CPLANE2: variants seen among roughly 807,000 people sequenced by gnomAD.
CPLANE2 encodes ciliogenesis and planar polarity effector complex subunit 2, also known as ciliogenesis and planar polarity effector 2.
In CPLANE2, 24 loss-of-function variants were observed where a neutral mutation model predicts 20.9. That is an observed-to-expected ratio of 1.15 (90% confidence interval 0.83 to 1.61). The LOEUF (loss-of-function observed/expected upper bound fraction) is 1.61, where lower values mean the gene tolerates loss of function less well. CPLANE2 is among the 40% of genes most tolerant of loss of function. CPLANE2 has a pLI of 0.00. For synonymous variants in CPLANE2, 132 were observed against 144.3 expected (o/e 0.92, Z 0.61); for missense variants, 330 against 355.1 (o/e 0.93, Z 0.57).
At position 16,232,983 on chromosome 1, in the gene CPLANE2, C is replaced by T; in HGVS notation, c.300G>A (p.Lys100=). ...IQTTVVFWPA[K]LQASSRVVMF... is the part of the protein sequence containing the mutation. ...TGACGACACGGCTGCTGGCCTGCAGCTTGGCTGGCCAAAATACCACGGTGG... is the reference window on the plus strand; with the variant it reads ...TGACGACACGGCTGCTGGCCTGCAGTTTGGCTGGCCAAAATACCACGGTGG... The change falls in exon 3 of 5, where the codon AAG becomes AAA. Residue 100 remains lysine (K), a synonymous_variant. Transcript: ENST00000375599. 6.2e-7 allele frequency: 1 copy of T among 1,614,182 alleles called. No homozygotes were observed. The highest frequency in any genetic ancestry group is 8.5e-7 in the Non-Finnish European group (1 of 1,180,028).
chr1:16,236,466 C>A (rs2081466322), intron 1 of CPLANE2, among the ~76,000 whole-genome samples, 165 bp downstream of exon 1: 1 of 152,190 alleles, frequency 6.6e-6, no homozygotes, highest in South Asian at 2.1e-4. Context: ...GTGTGGGGGT[C>A]CCAGAGCTAG....
chr1:16,232,988 C>G lies in CPLANE2; in HGVS notation c.295G>C (p.Ala99Pro). 6.2e-7 allele frequency: 1 copy of G among 1,614,168 alleles called. No individual in the cohort carries two copies. Among genetic ancestry groups the G allele is most frequent in the East Asian group, 2.2e-5 (1 of 44,886 alleles). Reference sequence around the variant, plus strand: ...ACACGGCTGCTGGCCTGCAGCTTGGCTGGCCAAAATACCACGGTGGTCTGG... The same window carrying G: ...ACACGGCTGCTGGCCTGCAGCTTGGGTGGCCAAAATACCACGGTGGTCTGG... ...GIQTTVVFWPAKLQASSRVVM... is the reference protein window; with the variant it reads ...GIQTTVVFWPPKLQASSRVVM... Residue 99 changes from alanine to proline, a missense_variant, in exon 3 of 5, where the codon GCC (alanine) becomes CCC (proline). By Grantham distance (27) the Ala-to-Pro change is conservative (BLOSUM62 -1). Coordinates refer to ENST00000375599, the MANE Select transcript of CPLANE2 (RefSeq NM_030907.4).
Position 16,232,961 on chromosome 1 carries a change from C to T in CPLANE2, c.322G>A (p.Val108Ile), listed in dbSNP as rs536419247. 73 of 1,614,060 alleles carry T rather than the reference C, an allele frequency of 4.5e-5. No homozygotes were observed. Among genetic ancestry groups the T allele is most frequent in the South Asian group, 2.6e-4 (24 of 91,088 alleles). ...PAKLQASSRV[V>I]MFRFEFWDCG... ...TCCCAGAACTCAAAACGAAACATGA[C>T]GACACGGCTGCTGGCCTGCAGCTTG... The change falls in exon 3 of 5, where the codon GTC (valine) becomes ATC (isoleucine). Residue 108 changes from valine to isoleucine, a missense_variant. Transcript: ENST00000375599.
chr1:16,237,019 A>G lies in CPLANE2; in HGVS notation c.-277T>C, dbSNP rs1392843902. ...GCCCCGCTTCTCCTCTACCTTCTAG[A>G]TCCCGACTCCCAGGGCTACCTAGCC... is the stretch of plus-strand genomic sequence containing the variant. On this transcript the variant is annotated 5_prime_UTR_variant, in exon 1 of 5. Transcript: ENST00000375599. 1 of 325,488 alleles carries G rather than the reference A, an allele frequency of 3.1e-6. No individual in the cohort carries two copies. The highest frequency in any genetic ancestry group is 5.8e-6 in the Non-Finnish European group (1 of 171,250). The allele number at this position is 325,488 out of a possible 1,614,324, so 20.2% of individuals were successfully genotyped here.
intron 1 of CPLANE2, among the ~76,000 whole-genome samples, chr1:16,235,417 C>CT (rs750860406): frequency 3.4e-4 from 51 of 152,186 alleles, no homozygotes; most frequent in Admixed American, 1.6e-3. Context: ...AGCCAACCTT[C>CT]AGTGAACACC....
At position 16,231,843 on chromosome 1, in the gene CPLANE2, C is replaced by T. The variant is rs1007247905; in HGVS notation, c.*205G>A. 28 of 687,672 alleles carry T rather than the reference C, an allele frequency of 4.1e-5. No individual in the cohort carries two copies. Among genetic ancestry groups the T allele is most frequent in the Non-Finnish European group, 5.5e-5 (23 of 421,256 alleles). The allele number at this position is 687,672 out of a possible 1,614,324, so 42.6% of individuals were successfully genotyped here. ...AGGGGGAAAGGCCACGGGAGATGTT[C>T]GAGCTCAGGGCCTTGGTCCCCACCT... On this transcript the variant is annotated 3_prime_UTR_variant, in exon 5 of 5. Coordinates refer to ENST00000375599, the MANE Select transcript of CPLANE2 (RefSeq NM_030907.4).
Position 16,236,892 on chromosome 1 carries a change from CCT to C in CPLANE2, c.-152_-151del. On this transcript the variant is annotated 5_prime_UTR_variant, in exon 1 of 5. It removes the in-frame stop codon of an upstream open reading frame in the 5' UTR. Coordinates refer to ENST00000375599, the MANE Select transcript of CPLANE2 (RefSeq NM_030907.4). ...CCCAGAAAGTGCAGTCCCTCAGCCGCCTCTCTCCTTCGCAATGCTCCCTGGGG... is the reference window on the plus strand; with the variant it reads ...CCCAGAAAGTGCAGTCCCTCAGCCGCCTCTCCTTCGCAATGCTCCCTGGGG... The C allele has an allele frequency of 1.6e-6, 1 of 641,268 alleles. No homozygotes were observed. 39.7% of individuals were successfully genotyped at this position (641,268 alleles called of 1,614,324 possible).
chr1:16,231,732 G>T lies in CPLANE2; in HGVS notation c.*316C>A. 2.2e-6 allele frequency: 1 copy of T among 457,748 alleles called. No individual in the cohort carries two copies. The allele number at this position is 457,748 out of a possible 1,614,324, so 28.4% of individuals were successfully genotyped here. A position where few individuals can be genotyped will look rare whatever the true frequency, so the allele number is the denominator to read the frequency against. ...TCGGGGTTTATCTGTTACAACAGATGGTGTCACCTCAACCAATACAGGTTC... is the reference window on the plus strand; with the variant it reads ...TCGGGGTTTATCTGTTACAACAGATTGTGTCACCTCAACCAATACAGGTTC... On this transcript the variant is annotated 3_prime_UTR_variant, in exon 5 of 5. Transcript: ENST00000375599.
chr1:16,237,010 A>C lies in CPLANE2; in HGVS notation c.-268T>G, dbSNP rs1569781287. 2.7e-6 allele frequency: 1 copy of C among 368,138 alleles called. No individual in the cohort carries two copies. The highest frequency in any genetic ancestry group is 3.7e-5 in the South Asian group (1 of 26,956). 22.8% of individuals were successfully genotyped at this position (368,138 alleles called of 1,614,324 possible). The stretch of plus-strand genomic sequence containing the variant: ...GGTCAGACAGCCCCGCTTCTCCTCT[A>C]CCTTCTAGATCCCGACTCCCAGGGC... On this transcript the variant is annotated 5_prime_UTR_variant, in exon 1 of 5. Transcript: ENST00000375599.
rs923387634 is a variant in CPLANE2, at chr1:16,232,062, T to A, written c.763A>T (p.Ser255Cys). ...AAGLLPNPPE[S>C]APE ...CCACTCGTGACTCATTCAGGAGCAC[T>A]CTCTGGGGGGTTGGGAAGCAGGCCA... is the stretch of plus-strand genomic sequence containing the variant. Residue 255 changes from serine to cysteine, a missense_variant, in exon 5 of 5, where the codon AGT becomes TGT. Ser to Cys is a moderately radical substitution (Grantham distance 112). Coordinates refer to ENST00000375599, the MANE Select transcript of CPLANE2 (RefSeq NM_030907.4). 6 of 1,612,846 alleles carry A rather than the reference T, an allele frequency of 3.7e-6. No individual in the cohort carries two copies. In the South Asian group the frequency reaches 6.6e-5, roughly 18 times the overall value.
At position 16,236,986 on chromosome 1, in the gene CPLANE2, G is replaced by T; in HGVS notation, c.-244C>A. 2 of 457,236 alleles carry T rather than the reference G, an allele frequency of 4.4e-6. No homozygotes were observed. The highest frequency in any genetic ancestry group is 5.4e-5 in the South Asian group (2 of 37,036). 28.3% of individuals were successfully genotyped at this position (457,236 alleles called of 1,614,324 possible). ...CCCTCTCCCCTTGTCACCTCCGGGG[G>T]TCAGACAGCCCCGCTTCTCCTCTAC... On this transcript the variant is annotated 5_prime_UTR_variant, in exon 1 of 5. Coordinates refer to ENST00000375599, the MANE Select transcript of CPLANE2 (RefSeq NM_030907.4).
chr1:16,233,483 C>G, intron 2 of CPLANE2, 129 bp downstream of exon 2: 1 of 1,114,806 alleles, frequency 9.0e-7, no homozygotes, highest in Non-Finnish European at 1.3e-6. Flanking sequence ...ACCAAGGAGC[C>G]CATGTAGGCT....
In CPLANE2 at chr1:16,231,832, C is replaced by T. The variant is rs147952902; in HGVS notation, c.*216G>A. The T allele has an allele frequency of 1.4e-3, 876 of 644,628 alleles. 9 individuals are homozygous for T. In the African/African-American group the frequency reaches 0.014, roughly 10 times the overall value. The allele number at this position is 644,628 out of a possible 1,614,324, so 39.9% of individuals were successfully genotyped here. A position where few individuals can be genotyped will look rare whatever the true frequency, so the allele number is the denominator to read the frequency against. On this transcript the variant is annotated 3_prime_UTR_variant, in exon 5 of 5. Coordinates refer to ENST00000375599, the MANE Select transcript of CPLANE2 (RefSeq NM_030907.4). Reference sequence around the variant, plus strand: ...GGTGCTGCCAAAGGGGGAAAGGCCACGGGAGATGTTCGAGCTCAGGGCCTT... The same window carrying T: ...GGTGCTGCCAAAGGGGGAAAGGCCATGGGAGATGTTCGAGCTCAGGGCCTT...
In CPLANE2 at chr1:16,234,351, G is replaced by A. The variant is rs191712567; in HGVS notation, c.113-587C>T. 9.9e-5 allele frequency among the ~76,000 whole-genome samples: 15 copies of A among 151,698 alleles called. No individual in the cohort carries two copies. In the East Asian group the frequency reaches 2.9e-3, roughly 30 times the overall value. On this transcript the variant is annotated intron_variant, in intron 1 of 4. Transcript: ENST00000375599. ...CCTGGGAGGTGGAAGTTGCTAAGCC[G>A]AGATCACACCACTGCACTCCAGCCT...
At chr1:16,232,869 A>G in intron 3 of CPLANE2, 24 bp downstream of exon 3, 1 of 1,613,552 alleles carries the variant, frequency 6.2e-7, no homozygotes, top group Non-Finnish European at 8.5e-7. Flanking sequence ...GGCAGAACCC[A>G]CCCAGGCCCA....
chr1:16,233,046 C>G (rs3738631), intron 2 of CPLANE2, 29 bp from the exon 3 acceptor site: 538,947 of 1,612,082 alleles, frequency 0.33, 95,746 homozygotes, highest in African/African-American at 0.56. Flanking sequence ...CAGCCACTCA[C>G]CATGGGAGAG....
chr1:16,236,015 A>T (rs966684364), intron 1 of CPLANE2, among the ~76,000 whole-genome samples: 5 of 152,050 alleles, frequency 3.3e-5, no homozygotes, highest in African/African-American at 1.2e-4. Context: ...AATTTCTTTT[A>T]AAAAAACAAA....
rs548520421 is a variant in CPLANE2 at position 16,233,034 on chromosome 1, G to T, written c.266-17C>A. 14 of 1,613,876 alleles carry T rather than the reference G, an allele frequency of 8.7e-6. No individual in the cohort carries two copies. Among genetic ancestry groups the T allele is most frequent in the Non-Finnish European group, 1.2e-5 (14 of 1,179,924 alleles). On this transcript the variant is annotated splice_polypyrimidine_tract_variant and intron_variant, in intron 2 of 4. Coordinates refer to ENST00000375599, the MANE Select transcript of CPLANE2 (RefSeq NM_030907.4). ...TCTGGATGCCTGAGGGGGAGCCAGG[G>T]TCAGCCACTCACCATGGGAGAGGTG...
chr1:16,232,324 G>A lies in CPLANE2; in HGVS notation c.528-27C>T. 1.9e-6 allele frequency: 3 copies of A among 1,586,754 alleles called. No homozygotes were observed. The South Asian group carries it at 3.4e-5, about 18-fold the overall frequency. On this transcript the variant is annotated intron_variant, in intron 4 of 4. Transcript: ENST00000375599. ...TGGAGGAGGGTCAAGGAGCCTAACTGGGTGCCTCTGCACAGCCCCCCATCA... is the reference window on the plus strand; with the variant it reads ...TGGAGGAGGGTCAAGGAGCCTAACTAGGTGCCTCTGCACAGCCCCCCATCA...
Sources: gnomAD v4.1 joint callset for allele counts (sites outside exome capture counted in the v4.1 genomes callset) on GRCh38, gnomAD v4.1.1 for gene constraint, MANE v1.5 for transcripts, NCBI Gene and HGNC (gene_info 2026-07-23, HGNC 2026-07-21) for gene names.